The following CSMD1 variants were observed in gnomAD, a reference collection of about 807,000 sequenced individuals.
The protein encoded by CSMD1 is CUB and Sushi multiple domains 1.
CSMD1 carries 213 observed loss-of-function variants against 417.5 expected under a neutral mutation model. That is an observed-to-expected ratio of 0.51 (90% CI 0.46 to 0.57). The LOEUF (loss-of-function observed/expected upper bound fraction) is 0.57, where lower values mean the gene tolerates loss of function less well. Among genes scored for constraint, CSMD1 ranks in the 20% least tolerant of loss-of-function variants. The pLI is 0.00. For missense variants in CSMD1, 6,923 were observed against 4,529.7 expected (o/e 1.53, Z -15.17); for synonymous variants, 2,862 against 1,736.8 (o/e 1.65, Z -16.11).
At chr8:3,740,824 G>A (rs1179412376) in intron 6 of CSMD1, among the ~76,000 whole-genome samples, 4 of 152,126 alleles carry the variant, frequency 2.6e-5, no homozygotes, top group Admixed American at 1.3e-4. Context: ...GGCTATGCAG[G>A]CAACAGAGTG....
At chr8:4,492,148 G>C (rs993989208) in intron 2 of CSMD1, among the ~76,000 whole-genome samples, 2 of 152,156 alleles carry the variant, frequency 1.3e-5, no homozygotes, top group African/African-American at 4.8e-5. Context: ...CCACGCTAGA[G>C]CACAGGAGTG....
rs1180833500 is a variant in CSMD1 at position 4,442,734 on chromosome 8, G to T, written c.303-22669C>A. Among the ~76,000 whole-genome samples, 5 of 152,160 alleles carry T rather than the reference G, an allele frequency of 3.3e-5. No individual in the cohort carries two copies. The East Asian group carries it at 7.7e-4, about 23-fold the overall frequency. ...TGTGTATTTGTTGATAATACAATCAGTCACTATTTTATGTTTGCATATAAT... is the reference window on the plus strand; with the variant it reads ...TGTGTATTTGTTGATAATACAATCATTCACTATTTTATGTTTGCATATAAT... On this transcript the variant is annotated intron_variant, in intron 2 of 69. Coordinates refer to ENST00000635120, the MANE Select transcript of CSMD1 (RefSeq NM_033225.6).
At chr8:4,093,421 CA>C in intron 3 of CSMD1, among the ~76,000 whole-genome samples, 1 of 152,076 alleles carries the variant, frequency 6.6e-6, no homozygotes, top group Non-Finnish European at 1.5e-5. Context: ...CAGAGGTGTA[CA>C]ATTTTTAATG....
rs139523239 is a variant in CSMD1, at chr8:4,220,771, C to T, written c.416-188672G>A. Among the ~76,000 whole-genome samples the T allele has an allele frequency of 1.0e-3, 155 of 152,286 alleles. 5 individuals carry two copies. In the East Asian group the frequency reaches 0.025, roughly 25 times the overall value. The stretch of plus-strand genomic sequence containing the variant: ...GAGAAACAGGGTGGAGAATATGGGG[C>T]CACCCAAGAAATCCTTATAACGCAC... On this transcript the variant is annotated intron_variant, in intron 3 of 69. Transcript: ENST00000635120.
chr8:4,941,524 G>T (rs1808000473), intron 1 of CSMD1, among the ~76,000 whole-genome samples: 1 of 151,998 alleles, frequency 6.6e-6, no homozygotes, highest in African/African-American at 2.4e-5. Flanking sequence ...GTAACTTGTT[G>T]TGTTTCTTCT....
intron 23 of CSMD1, among the ~76,000 whole-genome samples, chr8:3,339,049 T>C (rs577734239): frequency 1.3e-4 from 18 of 141,514 alleles, no homozygotes; most frequent in African/African-American, 3.4e-4. Context: ...TGTGATCTCA[T>C]TGTTCAATTC....
chr8:4,933,924 A>G (rs1210378763), intron 1 of CSMD1, among the ~76,000 whole-genome samples: 1 of 152,190 alleles, frequency 6.6e-6, no homozygotes, highest in Non-Finnish European at 1.5e-5. Flanking sequence ...TTTAAATTTC[A>G]TAATAGGCAG....
At chr8:3,033,440 C>G (rs1243903178) in intron 50 of CSMD1, among the ~76,000 whole-genome samples, 1 of 151,992 alleles carries the variant, frequency 6.6e-6, no homozygotes, top group African/African-American at 2.4e-5. Context: ...GACTTCAGAC[C>G]TCAAGACAAG....
chr8:3,742,402 C>G (rs1280723846), intron 6 of CSMD1, among the ~76,000 whole-genome samples: 2 of 152,138 alleles, frequency 1.3e-5, no homozygotes, highest in African/African-American at 4.8e-5. Flanking sequence ...AAATTGTAAA[C>G]TCCTGCAGAA....
intron 26 of CSMD1, among the ~76,000 whole-genome samples, chr8:3,263,947 T>C (rs952429410): frequency 1.3e-5 from 2 of 152,258 alleles, no homozygotes; most frequent in Non-Finnish European, 2.9e-5. Flanking sequence ...CATTTAAACT[T>C]TGAATGCAGC....
At chr8:4,193,363 G>T (rs1050678130) in intron 3 of CSMD1, among the ~76,000 whole-genome samples, 2 of 152,200 alleles carry the variant, frequency 1.3e-5, no homozygotes, top group Non-Finnish European at 2.9e-5. Flanking sequence ...TATACTGCCA[G>T]TTTAAATGTA....
intron 41 of CSMD1, among the ~76,000 whole-genome samples, chr8:3,129,442 T>A (rs1817676500): frequency 6.6e-6 from 1 of 152,142 alleles, no homozygotes; most frequent in African/African-American, 2.4e-5. Flanking sequence ...ATGGCCTTAA[T>A]AACCTTACCT....
At chr8:3,542,227 A>T (rs559801596) in intron 10 of CSMD1, among the ~76,000 whole-genome samples, 39 of 152,290 alleles carry the variant, frequency 2.6e-4, no homozygotes, top group African/African-American at 7.7e-4. Flanking sequence ...TTAATCAATG[A>T]CTATTTGTGA....
At chr8:3,602,902 G>T (rs955504319) in intron 8 of CSMD1, among the ~76,000 whole-genome samples, 1 of 152,096 alleles carries the variant, frequency 6.6e-6, no homozygotes, top group African/African-American at 2.4e-5. Context: ...ATAGGCTCAA[G>T]TAACAATCAC....
intron 3 of CSMD1, among the ~76,000 whole-genome samples, chr8:4,115,067 G>C (rs771870410): frequency 6.6e-6 from 1 of 152,118 alleles, no homozygotes; most frequent in South Asian, 2.1e-4. Flanking sequence ...TTGCTACTCC[G>C]AGCAAAATGC....
chr8:3,143,529 CA>C, intron 40 of CSMD1, among the ~76,000 whole-genome samples: 1 of 152,258 alleles, frequency 6.6e-6, no homozygotes, highest in African/African-American at 2.4e-5. Context: ...TGCATTGTGG[CA>C]TTTTTTTTGA....
intron 5 of CSMD1, among the ~76,000 whole-genome samples, chr8:3,787,955 G>A (rs1480611939): frequency 6.6e-6 from 1 of 152,140 alleles, no homozygotes; most frequent in African/African-American, 2.4e-5. Context: ...ATCCTTGCAT[G>A]GGCTCCTAAT....
At chr8:3,886,826 A>G (rs1192959345) in intron 5 of CSMD1, among the ~76,000 whole-genome samples, 1 of 152,186 alleles carries the variant, frequency 6.6e-6, no homozygotes, top group Admixed American at 6.5e-5. Context: ...AGAGATTTGA[A>G]CACAGATCTA....
intron 2 of CSMD1, among the ~76,000 whole-genome samples, chr8:4,443,798 TC>T (rs557760274): frequency 3.9e-5 from 6 of 152,180 alleles, no homozygotes; most frequent in Non-Finnish European, 8.8e-5. Context: ...CTGTGTCATG[TC>T]CAGAAAATCC....
Sources: allele counts gnomAD v4.1 joint callset (sites outside exome capture counted in the v4.1 genomes callset), GRCh38; gene constraint gnomAD v4.1.1; transcripts MANE v1.5; gene names NCBI Gene and HGNC (gene_info 2026-07-23, HGNC 2026-07-21).